Variants in UNC13C observed in about 807,000 individuals in gnomAD.
UNC13C encodes protein unc-13 homolog C.
UNC13C carries 174 observed loss-of-function variants against 245.4 expected under a neutral mutation model. The observed-to-expected ratio is 0.71, with a 90% confidence interval of 0.63 to 0.80. The LOEUF is 0.80. UNC13C is among the 30% of genes least tolerant of loss of function. The pLI is 0.00. For missense variants in UNC13C, 2,829 were observed against 2,602.9 expected (o/e 1.09, Z -1.89); for synonymous variants, 992 against 895.1 (o/e 1.11, Z -1.93).
chr15:54,350,409 T>C (rs868624369), intron 17 of UNC13C, among the ~76,000 whole-genome samples: 1 of 152,186 alleles, frequency 6.6e-6, no homozygotes, highest in Middle Eastern at 3.4e-3. Flanking sequence ...GACATGAAAT[T>C]GTAGAATGGT....
chr15:54,456,714 G>T (rs1891552586), intron 19 of UNC13C, among the ~76,000 whole-genome samples: 1 of 151,670 alleles, frequency 6.6e-6, no homozygotes, highest in South Asian at 2.1e-4. Context: ...CTCCTAATTT[G>T]TGTACATTGA....
intron 2 of UNC13C, among the ~76,000 whole-genome samples, chr15:54,114,434 A>T (rs1488465398): frequency 2.6e-5 from 4 of 152,050 alleles, no homozygotes; most frequent in Non-Finnish European, 5.9e-5. Context: ...GTGATTTTAA[A>T]TTTTTTATAC....
chr15:54,337,490 G>A (rs2038615459), intron 16 of UNC13C, among the ~76,000 whole-genome samples: 1 of 152,108 alleles, frequency 6.6e-6, no homozygotes, highest in Non-Finnish European at 1.5e-5. Context: ...CCTTATGGCA[G>A]TTGCTCAGGC....
intron 19 of UNC13C, among the ~76,000 whole-genome samples, chr15:54,448,534 TTCTTTG>T (rs1173360287): frequency 5.3e-5 from 8 of 152,206 alleles, no homozygotes; most frequent in African/African-American, 1.9e-4. Flanking sequence ...TGTAATGGCC[TTCTTTG>T]TCGCTTTTGA....
chr15:54,511,371 T>C (rs2141116580), intron 23 of UNC13C, among the ~76,000 whole-genome samples: 1 of 148,306 alleles, frequency 6.7e-6, no homozygotes, highest in African/African-American at 2.5e-5. Flanking sequence ...AATCACATGG[T>C]ATTTTCTTTT....
the UNC13C span, among the ~76,000 whole-genome samples, chr15:53,891,132 T>C: frequency 1.3e-5 from 2 of 152,200 alleles, no homozygotes; most frequent in East Asian, 1.9e-4. Context: ...CCAGTAGTCA[T>C]TTAGGAGCGG....
the UNC13C span, among the ~76,000 whole-genome samples, chr15:53,898,431 A>C: frequency 6.9e-6 from 1 of 143,962 alleles, no homozygotes; most frequent in African/African-American, 2.6e-5. Context: ...CACACACACA[A>C]ACGCATACAC....
intron 28 of UNC13C, among the ~76,000 whole-genome samples, chr15:54,554,240 G>C (rs909564802): frequency 3.3e-5 from 5 of 151,928 alleles, no homozygotes; most frequent in Non-Finnish European, 5.9e-5. Context: ...GACATAGATA[G>C]ATTATTATCT....
the UNC13C span, among the ~76,000 whole-genome samples, chr15:53,897,118 A>C: frequency 0.074 from 11,257 of 152,176 alleles, 511 homozygotes; most frequent in South Asian, 0.19. Context: ...CAGTGAAACT[A>C]TATGTTTATT....
the UNC13C span, among the ~76,000 whole-genome samples, chr15:53,951,242 C>G: frequency 4.7e-4 from 72 of 152,308 alleles, no homozygotes; most frequent in African/African-American, 1.7e-3. Context: ...AATGCCCTGA[C>G]AGGGAGTCAG....
chr15:54,418,888 A>T (rs1423181068), intron 19 of UNC13C, among the ~76,000 whole-genome samples: 1 of 152,128 alleles, frequency 6.6e-6, no homozygotes, highest in Non-Finnish European at 1.5e-5. Context: ...TTGGAAGCAC[A>T]GTTCCTCTTT....
At chr15:53,908,212 T>G in the UNC13C span, among the ~76,000 whole-genome samples, 2 of 146,604 alleles carry the variant, frequency 1.4e-5, no homozygotes, top group East Asian at 4.0e-4. Context: ...CCTTATCATT[T>G]AATGGGTGCT....
intron 26 of UNC13C, among the ~76,000 whole-genome samples, chr15:54,540,780 T>C (rs139893678): frequency 6.6e-6 from 1 of 152,206 alleles, no homozygotes; most frequent in East Asian, 1.9e-4. Flanking sequence ...GTGACAATGA[T>C]TTTATTCCTA....
chr15:54,494,769 C>CATTCCTG, intron 20 of UNC13C, 35 bp downstream of exon 20: 1 of 1,597,594 alleles, frequency 6.3e-7, no homozygotes, highest in Non-Finnish European at 8.5e-7. Context: ...ACCCTCAGAT[C>CATTCCTG]TAAATTCACA....
the UNC13C span, among the ~76,000 whole-genome samples, chr15:53,856,602 T>A: frequency 6.6e-6 from 1 of 152,266 alleles, no homozygotes. Context: ...GTTTTGTGGT[T>A]TTGAATAAAT....
the UNC13C span, among the ~76,000 whole-genome samples, chr15:53,883,845 A>T: frequency 1.3e-5 from 2 of 152,208 alleles, no homozygotes; most frequent in Non-Finnish European, 2.9e-5. Context: ...TGACTTTGAA[A>T]GCCTCACTAT....
At chr15:54,314,867 A>C (rs2140969012) in intron 13 of UNC13C, among the ~76,000 whole-genome samples, 1 of 151,878 alleles carries the variant, frequency 6.6e-6, no homozygotes, top group Non-Finnish European at 1.5e-5. Context: ...GTACTACAGA[A>C]AAATTCAAGG....
intron 4 of UNC13C, among the ~76,000 whole-genome samples, chr15:54,168,673 A>G (rs553477547): frequency 9.9e-4 from 151 of 152,338 alleles, no homozygotes; most frequent in African/African-American, 3.5e-3. Flanking sequence ...ATAGTATAAC[A>G]CAACGCGTCT....
chr15:53,855,795 C>T, the UNC13C span, among the ~76,000 whole-genome samples: 1 of 152,120 alleles, frequency 6.6e-6, no homozygotes, highest in Non-Finnish European at 1.5e-5. Context: ...TCAGGATGAT[C>T]CTGGCCTCAT....
Sources: gnomAD v4.1 joint callset for allele counts (sites outside exome capture counted in the v4.1 genomes callset) on GRCh38, gnomAD v4.1.1 for gene constraint, MANE v1.5 for transcripts, NCBI Gene and HGNC (gene_info 2026-07-23, HGNC 2026-07-21) for gene names.